Variants in DGKZ observed in about 807,000 individuals in gnomAD.
The protein encoded by DGKZ is diacylglycerol kinase zeta.
A neutral mutation model predicts 142.5 loss-of-function variants in DGKZ; 45 were observed. The observed-to-expected ratio is 0.32, with a 90% confidence interval of 0.25 to 0.40. The LOEUF (loss-of-function observed/expected upper bound fraction) is 0.40. Ranked by LOEUF, DGKZ falls within the 10% of genes least tolerant of loss-of-function variation. DGKZ has a pLI of 1.00. For synonymous variants in DGKZ, 442 were observed against 527.0 expected, an observed-to-expected ratio of 0.84 and a Z score of 2.21; for missense variants, 755 against 1,306.5, an observed-to-expected ratio of 0.58 and a Z score of 6.51.
chr11:46,351,251 T>TA (rs1490859785), intron 1 of DGKZ, among the ~76,000 whole-genome samples: 1 of 152,102 alleles, frequency 6.6e-6, no homozygotes, highest in Non-Finnish European at 1.5e-5. Flanking sequence ...CATCAGAAAT[T>TA]ACCTGGCACC....
intron 1 of DGKZ, among the ~76,000 whole-genome samples, chr11:46,336,133 C>T (rs2075467191): frequency 6.6e-6 from 1 of 152,236 alleles, no homozygotes; most frequent in African/African-American, 2.4e-5. Context: ...GAAGGCCTGG[C>T]TGCTTCTGAC....
Position 46,347,489 on chromosome 11 carries a change from C to A in DGKZ, c.-171C>A. 1.0e-6 allele frequency: 1 copy of A among 981,908 alleles called. No individual in the cohort carries two copies. Among genetic ancestry groups the A allele is most frequent in the Non-Finnish European group, 1.2e-6 (1 of 828,732 alleles). 60.8% of individuals were successfully genotyped at this position (981,908 alleles called of 1,614,324 possible). Reference sequence around the variant, plus strand: ...GCACTTCCTGGAGCGGCGGCGGCAGCGGCTTCCCGGGCACCTGGGCGTGGG... The same window carrying A: ...GCACTTCCTGGAGCGGCGGCGGCAGAGGCTTCCCGGGCACCTGGGCGTGGG... On this transcript the variant is annotated 5_prime_UTR_variant, in exon 1 of 31. Transcript: ENST00000527911. This position sits in a 1 kb window ranked among gnomAD's most constrained non-coding sequence, Gnocchi z 6.4.
Position 46,374,396 on chromosome 11 carries a change from C to T in DGKZ, c.1406-3C>T, listed in dbSNP as rs376006163. ...CTGGCCCCCACTGCTTGTCTCCACC[C>T]AGAGGCCAACCCAGAGAAATTCAAC... On this transcript the variant is annotated splice_polypyrimidine_tract_variant and splice_region_variant and intron_variant, in intron 15 of 30. Transcript: ENST00000527911. The T allele has an allele frequency of 6.8e-6, 11 of 1,613,998 alleles. No homozygotes were observed. The highest frequency in any genetic ancestry group is 8.5e-6 in the Non-Finnish European group (10 of 1,180,052).
At position 46,379,197 on chromosome 11, in the gene DGKZ, C is replaced by G. The variant is rs760538567; in HGVS notation, c.2540-6C>G. On this transcript the variant is annotated splice_polypyrimidine_tract_variant and splice_region_variant and intron_variant, in intron 28 of 30. Coordinates refer to ENST00000527911, the Ensembl canonical transcript of DGKZ. ...GCCTCTCTGACCACCACCTCCCCTT[C>G]TCCAGCCCCCCCAGAGATCCTTGAT... 6.2e-7 allele frequency: 1 copy of G among 1,613,030 alleles called. No individual in the cohort carries two copies. The highest frequency in any genetic ancestry group is 8.5e-7 in the Non-Finnish European group (1 of 1,179,962).
At chr11:46,374,045 C>G in intron 14 of DGKZ, 112 bp from the exon 15 acceptor site, 1 of 1,191,800 alleles carries the variant, frequency 8.4e-7, no homozygotes, top group Non-Finnish European at 1.2e-6. Context: ...ACGCTGCTGA[C>G]CAGGAAAAGC....
At chr11:46,356,767 A>G (rs1942066783) in intron 1 of DGKZ, among the ~76,000 whole-genome samples, 1 of 152,186 alleles carries the variant, frequency 6.6e-6, no homozygotes, top group South Asian at 2.1e-4. Context: ...ACTTCAGGCA[A>G]ATGACTTAAC....
In DGKZ at chr11:46,377,083, A is replaced by G. The variant is rs763539985; in HGVS notation, c.2213A>G (p.Asn738Ser). The change falls in exon 25 of 31, where the codon AAC (asparagine) becomes AGC (serine). Residue 738 changes from asparagine (N) to serine (S), a missense_variant. Physicochemically the swap from Asn to Ser is conservative, Grantham distance 46. Transcript: ENST00000527911. ...GACCTCCCCCCACAGGAGCACCTCAACTATGTGACTGAGATCGCACAGGAT... is the reference window on the plus strand; with the variant it reads ...GACCTCCCCCCACAGGAGCACCTCAGCTATGTGACTGAGATCGCACAGGAT... The G allele has an allele frequency of 2.3e-5, 37 of 1,613,122 alleles. No homozygotes were observed. Among genetic ancestry groups the G allele is most frequent in the Non-Finnish European group, 2.9e-5 (34 of 1,179,844 alleles).
chr11:46,367,001 C>A lies in DGKZ; in HGVS notation c.162-290C>A. 1.3e-6 allele frequency: 2 copies of A among 1,499,768 alleles called. No individual in the cohort carries two copies. The highest frequency in any genetic ancestry group is 8.8e-7 in the Non-Finnish European group (1 of 1,131,236). 92.9% of individuals were successfully genotyped at this position (1,499,768 alleles called of 1,614,324 possible). On this transcript the variant is annotated intron_variant, in intron 1 of 30. Transcript: ENST00000527911. The surrounding 1 kb of genome is among the most constrained non-coding windows in gnomAD (Gnocchi z 4.1). Reference sequence around the variant, plus strand: ...CCTGCTCGCGTAGGTATAGCTGTGGCCAGCAGGGCGAGTGGTGTGACCTCC... The same window carrying A: ...CCTGCTCGCGTAGGTATAGCTGTGGACAGCAGGGCGAGTGGTGTGACCTCC...
Position 46,347,519 on chromosome 11 carries a change from G to A in DGKZ, c.-141G>A, listed in dbSNP as rs1448912371. 5.1e-6 allele frequency: 5 copies of A among 982,270 alleles called. No homozygotes were observed. Among genetic ancestry groups the A allele is most frequent in the African/African-American group, 3.5e-5 (2 of 56,586 alleles). The allele number at this position is 982,270 out of a possible 1,614,324, so 60.8% of individuals were successfully genotyped here. On this transcript the variant is annotated 5_prime_UTR_variant, in exon 1 of 31. Coordinates refer to ENST00000527911, the Ensembl canonical transcript of DGKZ. This position sits in a 1 kb window ranked among gnomAD's most constrained non-coding sequence, Gnocchi z 6.4. ...TCCCGGGCACCTGGGCGTGGGGAGC[G>A]GGGGCGCGCGGCGCGGGGCGGGCGG...
At chr11:46,374,949 C>T (rs761865863) in exon 19 of DGKZ, 5 of 1,608,578 alleles carry the variant, frequency 3.1e-6, no homozygotes, top group Non-Finnish European at 3.4e-6. Flanking sequence ...GTGCGGGCAC[C>T]ATGCCCTGGG....
intron 1 of DGKZ, chr11:46,361,662 C>T: frequency 5.1e-6 from 5 of 985,624 alleles, no homozygotes; most frequent in Non-Finnish European, 4.8e-6. Flanking sequence ...CAGAGCCCGG[C>T]CTTGGGGACC....
At chr11:46,361,110 A>G (rs540132195) in intron 1 of DGKZ, among the ~76,000 whole-genome samples, 1 of 152,352 alleles carries the variant, frequency 6.6e-6, no homozygotes, top group East Asian at 1.9e-4. Context: ...ATGCTGGTGA[A>G]AAGTACTTTG....
At chr11:46,354,471 C>T (rs1941771099) in intron 1 of DGKZ, among the ~76,000 whole-genome samples, 2 of 152,246 alleles carry the variant, frequency 1.3e-5, no homozygotes, top group Non-Finnish European at 2.9e-5. Context: ...GCTGAGATTA[C>T]AGGCCTGAGC....
exon 1 of DGKZ, chr11:46,332,982 G>T: frequency 3.4e-6 from 1 of 293,140 alleles, no homozygotes; most frequent in Non-Finnish European, 6.3e-6. Flanking sequence ...CCCGGGCTCC[G>T]GCTCCGCTCC....
intron 1 of DGKZ, chr11:46,364,813 G>T (rs746573054): frequency 1.9e-4 from 189 of 985,304 alleles, no homozygotes; most frequent in Non-Finnish European, 2.0e-4. Flanking sequence ...CCTAATTAAT[G>T]CCAGCCTTCA....
rs184475070 is a variant in DGKZ at position 46,337,123 on chromosome 11, G to A, written c.212+3636G>A. ...CGTAAATGATCAGGGTTGGGCTCAAGAGACCATGGGAGAGCAGGCTCCAGC... is the reference window on the plus strand; with the variant it reads ...CGTAAATGATCAGGGTTGGGCTCAAAAGACCATGGGAGAGCAGGCTCCAGC... On this transcript the variant is annotated intron_variant, in intron 1 of 30. Coordinates refer to the DGKZ transcript ENST00000343674. 2.8e-3 allele frequency among the ~76,000 whole-genome samples: 427 copies of A among 152,130 alleles called. 1 individual carries two copies. Among genetic ancestry groups the A allele is most frequent in the African/African-American group, 0.01 (420 of 41,492 alleles).
chr11:46,365,075 T>A (rs949100684), intron 1 of DGKZ: 2 of 985,266 alleles, frequency 2.0e-6, no homozygotes, highest in Non-Finnish European at 1.2e-6. Context: ...CGATGCTGGC[T>A]GTGAAGAAGG....
At chr11:46,340,596 CCCT>C (rs537879035) in intron 1 of DGKZ, among the ~76,000 whole-genome samples, 7 of 152,210 alleles carry the variant, frequency 4.6e-5, no homozygotes, top group Non-Finnish European at 1.0e-4. Flanking sequence ...GGTCTCCAGC[CCCT>C]CCTCCAGGTT....
chr11:46,369,042 A>G, intron 4 of DGKZ: 2 of 238,882 alleles, frequency 8.4e-6, no homozygotes, highest in South Asian at 9.1e-5. Context: ...CCCCATCTCT[A>G]CTAAAAATCA....
Sources: gnomAD v4.1 joint callset for allele counts (sites outside exome capture counted in the v4.1 genomes callset) on GRCh38, gnomAD v4.1.1 for gene constraint, Gnocchi (gnomAD v3.1) non-coding constraint, MANE v1.5 for transcripts, NCBI Gene and HGNC (gene_info 2026-07-23, HGNC 2026-07-21) for gene names.